UACA: variants seen among roughly 807,000 people sequenced by gnomAD.
UACA encodes uveal autoantigen with coiled-coil domains and ankyrin repeats.
A neutral mutation model predicts 160.5 loss-of-function variants in UACA; 112 were observed. The observed-to-expected ratio is 0.70, with a 90% CI of 0.60 to 0.82. UACA has a LOEUF of 0.82. Among genes scored for constraint, UACA ranks in the 40% least tolerant of loss-of-function variants. The pLI is 0.00. For missense variants in UACA, 1,574 were observed against 1,614.6 expected (o/e 0.97, Z 0.43); for synonymous variants, 557 against 568.4 (o/e 0.98, Z 0.29).
chr15:70,660,381 G>GT, intron 17 of UACA, 165 bp from the exon 18 acceptor site: 1 of 543,424 alleles, frequency 1.8e-6, no homozygotes, highest in South Asian at 2.8e-5. Flanking sequence ...ATTTCAAAAC[G>GT]TAACAATATA....
At chr15:70,742,742 T>C (rs1258632210) in intron 1 of UACA, among the ~76,000 whole-genome samples, 1 of 152,254 alleles carries the variant, frequency 6.6e-6, no homozygotes, top group Non-Finnish European at 1.5e-5. Context: ...AGGTTGTACC[T>C]ATAATTTTTA....
chr15:70,755,392 G>A (rs538049904), intron 1 of UACA, among the ~76,000 whole-genome samples: 1 of 151,940 alleles, frequency 6.6e-6, no homozygotes, highest in South Asian at 2.1e-4. Context: ...GAATGAGGCC[G>A]GGGGCAGTGG....
Position 70,667,788 on chromosome 15 carries a change from C to T in UACA, c.2896G>A (p.Glu966Lys), listed in dbSNP as rs776238893. The change falls in exon 16 of 19, where the codon GAA becomes AAA. Residue 966 changes from glutamate (E) to lysine (K), a missense_variant. Physicochemically the swap from Glu to Lys is moderately conservative, Grantham distance 56 (BLOSUM62 1). Transcript: ENST00000322954. ...GQEEIVTLHAEIKAQKKELDT... is the reference protein window; with the variant it reads ...GQEEIVTLHAKIKAQKKELDT... ...AGCTCCTTCTTCTGGGCTTTAATTT[C>T]GGCATGCAGTGTCACAATCTCTTCT... The T allele has an allele frequency of 1.2e-5, 19 of 1,613,986 alleles. No homozygotes were observed. The highest frequency in any genetic ancestry group is 1.6e-5 in the Non-Finnish European group (19 of 1,179,990).
chr15:70,756,976 CTGA>C (rs1278960880), intron 1 of UACA, among the ~76,000 whole-genome samples: 1 of 152,198 alleles, frequency 6.6e-6, no homozygotes, highest in South Asian at 2.1e-4. Flanking sequence ...AAGTATCCAG[CTGA>C]TGATTATATT....
At chr15:70,709,306 A>G (rs976357574) in intron 1 of UACA, among the ~76,000 whole-genome samples, 1 of 152,240 alleles carries the variant, frequency 6.6e-6, no homozygotes, top group African/African-American at 2.4e-5. Flanking sequence ...GCAGCAAGCC[A>G]AAGTATCTAT....
intron 7 of UACA, 111 bp from the exon 8 acceptor site, chr15:70,684,557 T>C (rs958034664): frequency 9.3e-7 from 1 of 1,080,562 alleles, no homozygotes; most frequent in Non-Finnish European, 1.3e-6. Context: ...ATAAACTAGA[T>C]TATATATGCA....
At chr15:70,703,132 T>C (rs1462958288) in intron 1 of UACA, 1 of 1,289,056 alleles carries the variant, frequency 7.8e-7, no homozygotes, top group Non-Finnish European at 1.0e-6. Flanking sequence ...TCAACATTTC[T>C]TACATTACCA....
chr15:70,686,961 C>G (rs991573159), intron 7 of UACA, among the ~76,000 whole-genome samples: 14 of 152,024 alleles, frequency 9.2e-5, no homozygotes, highest in African/African-American at 3.4e-4. Context: ...TTAGAGCACA[C>G]CAACTAAAAT....
intron 1 of UACA, among the ~76,000 whole-genome samples, chr15:70,763,051 G>A (rs1028796694): frequency 1.1e-4 from 16 of 152,160 alleles, no homozygotes; most frequent in Admixed American, 9.8e-4. Context: ...TTTAGGAGGA[G>A]GGGGCCAGAA....
rs765854482 is a variant in UACA at position 70,699,638 on chromosome 15, T to A, written c.101A>T (p.Tyr34Phe). ...ASAHAADWNK[Y>F]DDRLMKAAER... is the part of the protein sequence containing the mutation. ...TGCTGCTTTCATCAATCGGTCATCA[T>A]ATTTATTCCAATCTGCTGCATGCTA... The change falls in exon 2 of 19, where the codon TAT (tyrosine) becomes TTT (phenylalanine). Residue 34 changes from tyrosine (Y) to phenylalanine (F), a missense_variant. Tyr to Phe is a conservative substitution (Grantham distance 22). Transcript: ENST00000322954. 1 of 1,611,528 alleles carries A rather than the reference T, an allele frequency of 6.2e-7. No individual in the cohort carries two copies. Among genetic ancestry groups the A allele is most frequent in the African/African-American group, 1.3e-5 (1 of 74,176 alleles).
intron 1 of UACA, among the ~76,000 whole-genome samples, chr15:70,745,829 T>C (rs532503746): frequency 1.1e-4 from 17 of 152,234 alleles, no homozygotes; most frequent in African/African-American, 3.6e-4. Context: ...CCATCTGACC[T>C]TTGACAAACC....
intron 1 of UACA, among the ~76,000 whole-genome samples, chr15:70,742,913 G>C (rs893606550): frequency 1.3e-5 from 2 of 152,134 alleles, no homozygotes; most frequent in African/African-American, 2.4e-5. Flanking sequence ...AGTTCTGTAG[G>C]TCAGAAGTTT....
At position 70,668,654 on chromosome 15, in the gene UACA, T is replaced by A. The variant is rs1897024683; in HGVS notation, c.2030A>T (p.Lys677Met). 6.2e-7 allele frequency: 1 copy of A among 1,614,036 alleles called. No individual in the cohort carries two copies. The highest frequency in any genetic ancestry group is 1.7e-5 in the Admixed American group (1 of 59,998). ...LKRELENVKA[K>M]LAQHVKPEEH... ...CTCTGGTTTGACGTGCTGAGCAAGC[T>A]TGGCCTTAACATTCTCAAGTTCTCT... Residue 677 changes from lysine to methionine, a missense_variant, in exon 16 of 19, where the codon AAG becomes ATG. Physicochemically the swap from Lys to Met is moderately conservative, Grantham distance 95 (BLOSUM62 -1). Coordinates refer to ENST00000322954, the MANE Select transcript of UACA (RefSeq NM_018003.4).
rs773286699 is a variant in UACA, at chr15:70,667,150, T to C, written c.3534A>G (p.Lys1178=). The part of the protein sequence containing the change: ...EHLQIKEAFE[K]EVGIIKASLR... ...AGCTGGCTTTTATGATTCCAACTTC[T>C]TTCTCAAATGCTTCTTTAATCTGCA... Residue 1178 remains lysine, a synonymous_variant, in exon 16 of 19, where the codon AAA becomes AAG. Coordinates refer to ENST00000322954, the MANE Select transcript of UACA (RefSeq NM_018003.4). 6 of 1,613,730 alleles carry C rather than the reference T, an allele frequency of 3.7e-6. No individual in the cohort carries two copies. Among genetic ancestry groups the C allele is most frequent in the South Asian group, 1.1e-5 (1 of 91,018 alleles).
At chr15:70,756,398 C>A (rs1466354647) in intron 1 of UACA, among the ~76,000 whole-genome samples, 1 of 151,466 alleles carries the variant, frequency 6.6e-6, no homozygotes, top group South Asian at 2.1e-4. Flanking sequence ...TGACCTCAAG[C>A]GATCTGCCCA....
chr15:70,742,931 GCTGACTGGGTTCT>G (rs1899583440), intron 1 of UACA, among the ~76,000 whole-genome samples: 1 of 152,158 alleles, frequency 6.6e-6, no homozygotes, highest in South Asian at 2.1e-4. Context: ...TTTAGGTGGA[GCTGACTGGGTTCT>G]CTGCTTGGGG....
chr15:70,727,199 AG>A (rs1899171521), intron 1 of UACA, among the ~76,000 whole-genome samples: 1 of 152,198 alleles, frequency 6.6e-6, no homozygotes, highest in South Asian at 2.1e-4. Context: ...AGTATAAAGA[AG>A]GGTATATAAA....
intron 1 of UACA, among the ~76,000 whole-genome samples, chr15:70,752,238 A>T (rs1332769395): frequency 2.7e-3 from 2 of 738 alleles, no homozygotes; most frequent in South Asian, 0.059. Flanking sequence ...AAACTCCATC[A>T]AAAAAAAAAA....
chr15:70,670,959 G>T, intron 15 of UACA, 80 bp downstream of exon 15: 1 of 797,882 alleles, frequency 1.3e-6, no homozygotes, highest in Non-Finnish European at 1.9e-6. Context: ...AATGTACAAT[G>T]CCGCTTTCTC....
Sources: allele counts gnomAD v4.1 joint callset (sites outside exome capture counted in the v4.1 genomes callset), GRCh38; gene constraint gnomAD v4.1.1; transcripts MANE v1.5; gene names NCBI Gene and HGNC (gene_info 2026-07-23, HGNC 2026-07-21).